The following SPRED2 variants were observed in gnomAD, a reference collection of about 807,000 sequenced individuals.
SPRED2 encodes the protein sprouty related EVH1 domain containing 2.
A neutral mutation model predicts 43.0 loss-of-function variants in SPRED2; 47 were observed. That is an observed-to-expected ratio of 1.09 (90% CI 0.87 to 1.40). The LOEUF is 1.40. SPRED2 is among the 40% of genes most tolerant of loss of function. The pLI is 0.00. For missense variants in SPRED2, 561 were observed against 586.4 expected, an observed-to-expected ratio of 0.96 and a Z score of 0.45; for synonymous variants, 225 against 225.7, an observed-to-expected ratio of 1.00 and a Z score of 0.03.
intron 4 of SPRED2, among the ~76,000 whole-genome samples, chr2:65,318,576 T>C (rs1673314960): frequency 6.6e-6 from 1 of 152,042 alleles, no homozygotes; most frequent in Admixed American, 6.6e-5. Context: ...CTCTAGATGC[T>C]CTCTTTCTTG....
intron 4 of SPRED2, among the ~76,000 whole-genome samples, chr2:65,328,056 T>C (rs1385400986): frequency 1.3e-5 from 2 of 152,162 alleles, no homozygotes; most frequent in Non-Finnish European, 2.9e-5. Flanking sequence ...TAAATCAGTT[T>C]CACTAAACTT....
chr2:65,388,321 G>A (rs1020237719), intron 1 of SPRED2, among the ~76,000 whole-genome samples: 10 of 152,170 alleles, frequency 6.6e-5, no homozygotes, highest in African/African-American at 1.2e-4. Flanking sequence ...ATTAGGGGCC[G>A]GGCCAAAGAC....
downstream of SPRED2, among the ~76,000 whole-genome samples, chr2:65,308,165 G>A (rs1302771428): frequency 1.3e-5 from 2 of 152,370 alleles, no homozygotes; most frequent in South Asian, 2.1e-4. Context: ...GGGCAGAGGC[G>A]TGACTTGCAG....
rs1207634108 is a variant in SPRED2, at chr2:65,334,872, C to T, written c.205-99G>A. Reference sequence around the variant, plus strand: ...AGGAACCATCACTGGTGGCAACTACCAAAACCCCTCTAACCCCTGCCTTCA... The same window carrying T: ...AGGAACCATCACTGGTGGCAACTACTAAAACCCCTCTAACCCCTGCCTTCA... On this transcript the variant is annotated intron_variant, in intron 2 of 5. Coordinates refer to ENST00000356388, the MANE Select transcript of SPRED2 (RefSeq NM_181784.3). 3 of 1,222,116 alleles carry T rather than the reference C, an allele frequency of 2.5e-6. No homozygotes were observed. In the East Asian group the frequency reaches 7.0e-5, roughly 28 times the overall value. The allele number at this position is 1,222,116 out of a possible 1,614,324, so 75.7% of individuals were successfully genotyped here.
At chr2:65,402,206 G>A (rs1408662159) in intron 1 of SPRED2, among the ~76,000 whole-genome samples, 1 of 148,420 alleles carries the variant, frequency 6.7e-6, no homozygotes, top group Non-Finnish European at 1.5e-5. Context: ...TTGAGCCCGG[G>A]AGGCGAAGGT....
At chr2:65,371,772 G>GA (rs74313386) in intron 1 of SPRED2, among the ~76,000 whole-genome samples, 48,337 of 149,886 alleles carry the variant, frequency 0.32, 9,546 homozygotes, top group East Asian at 0.78. Context: ...CAAGTAGATT[G>GA]AAAAAAAAAA....
intron 1 of SPRED2, among the ~76,000 whole-genome samples, chr2:65,354,463 C>CT (rs1298373746): frequency 6.6e-6 from 1 of 151,904 alleles, no homozygotes; most frequent in East Asian, 1.9e-4. Context: ...AATTTCACCT[C>CT]TAAGTGTTTA....
In SPRED2 at chr2:65,377,820, C is replaced by G. The variant is rs531341616; in HGVS notation, c.27-32924G>C. Reference sequence around the variant, plus strand: ...CCAAAGAGGAGCCCGGGGGCAGTCCCAGCACTTCTCAGACACAGCCTCCAG... The same window carrying G: ...CCAAAGAGGAGCCCGGGGGCAGTCCGAGCACTTCTCAGACACAGCCTCCAG... On this transcript the variant is annotated intron_variant, in intron 1 of 5. Coordinates refer to ENST00000356388, the MANE Select transcript of SPRED2 (RefSeq NM_181784.3). 8.5e-5 allele frequency: 35 copies of G among 413,976 alleles called. 1 individual carries two copies. The East Asian group carries it at 2.5e-3, about 29-fold the overall frequency. The allele number at this position is 413,976 out of a possible 1,614,324, so 25.6% of individuals were successfully genotyped here.
rs189945194 is a variant in SPRED2, at chr2:65,425,077, G to T, written c.26+6885C>A. 6.6e-5 allele frequency among the ~76,000 whole-genome samples: 10 copies of T among 152,224 alleles called. No individual in the cohort carries two copies. In the East Asian group the frequency reaches 1.9e-3, roughly 29 times the overall value. On this transcript the variant is annotated intron_variant, in intron 1 of 5. Coordinates refer to ENST00000356388, the MANE Select transcript of SPRED2 (RefSeq NM_181784.3). ...AGCCAAAGCAAAGCAGTAAGAAAAAGAAACAAGAGGAATAAATAATGAAAA... is the reference window on the plus strand; with the variant it reads ...AGCCAAAGCAAAGCAGTAAGAAAAATAAACAAGAGGAATAAATAATGAAAA...
chr2:65,407,401 T>TTTG (rs1484496136), intron 1 of SPRED2, among the ~76,000 whole-genome samples: 2 of 149,510 alleles, frequency 1.3e-5, no homozygotes, highest in Admixed American at 6.6e-5. Flanking sequence ...TGGGGGGCAT[T>TTTG]TTGGGGGGCA....
intron 2 of SPRED2, among the ~76,000 whole-genome samples, chr2:65,339,086 G>A (rs1339686101): frequency 9.6e-6 from 1 of 104,282 alleles, no homozygotes; most frequent in East Asian, 2.6e-4. Context: ...CGCTCCGTCC[G>A]GGAGGGAGGT....
intron 5 of SPRED2, among the ~76,000 whole-genome samples, chr2:65,315,316 T>A (rs1019318520): frequency 6.6e-6 from 1 of 152,206 alleles, no homozygotes; most frequent in Non-Finnish European, 1.5e-5. Context: ...GTTTTGAGAA[T>A]GAAGAGAAAC....
At chr2:65,354,973 C>G (rs948267440) in intron 1 of SPRED2, among the ~76,000 whole-genome samples, 1 of 152,138 alleles carries the variant, frequency 6.6e-6, no homozygotes, top group Non-Finnish European at 1.5e-5. Flanking sequence ...GCACCTGGCC[C>G]AGGAGAAGGA....
chr2:65,312,099 TAAG>T lies in SPRED2; in HGVS notation c.*1399_*1401del, dbSNP rs1449616743. 6.1e-6 allele frequency: 6 copies of T among 985,336 alleles called. No homozygotes were observed. Among genetic ancestry groups the T allele is most frequent in the East Asian group, 1.1e-4 (1 of 8,830 alleles). The allele number at this position is 985,336 out of a possible 1,614,324, so 61.0% of individuals were successfully genotyped here. On this transcript the variant is annotated 3_prime_UTR_variant, in exon 6 of 6. Coordinates refer to ENST00000356388, the MANE Select transcript of SPRED2 (RefSeq NM_181784.3). ...CTCTTCACTTTTCTTCTTTCTTCAATAAGAAGATTTGGCTAATCCTTGCAACGT... is the reference window on the plus strand; with the variant it reads ...CTCTTCACTTTTCTTCTTTCTTCAATAAGATTTGGCTAATCCTTGCAACGT...
rs1275274875 is a variant in SPRED2 at position 65,401,951 on chromosome 2, A to G, written c.26+30011T>C. Among the ~76,000 whole-genome samples the G allele has an allele frequency of 2.0e-3, 305 of 150,178 alleles. 5 individuals carry two copies. Among genetic ancestry groups the G allele is most frequent in the Admixed American group, 5.1e-3 (77 of 15,172 alleles). ...AGCGCGCGCGCGCACACACACACACACACACACACACACACACACACACCT... is the reference window on the plus strand; with the variant it reads ...AGCGCGCGCGCGCACACACACACACGCACACACACACACACACACACACCT... On this transcript the variant is annotated intron_variant, in intron 1 of 5. Transcript: ENST00000356388.
At chr2:65,318,599 A>T (rs1673315614) in intron 4 of SPRED2, among the ~76,000 whole-genome samples, 1 of 152,022 alleles carries the variant, frequency 6.6e-6, no homozygotes, top group African/African-American at 2.4e-5. Context: ...AATCTACAGG[A>T]ACTTTCCTTT....
rs186138402 is a variant in SPRED2, at chr2:65,431,503, G to C, written c.26+459C>G. Among the ~76,000 whole-genome samples, 3 of 152,306 alleles carry C rather than the reference G, an allele frequency of 2.0e-5. No homozygotes were observed. The East Asian group carries it at 5.8e-4, about 30-fold the overall frequency. ...GCAAATGAGAGCGATTCAAGAAAAC[G>C]AAATGGCGGAGCCTAGGCCCCAGTG... On this transcript the variant is annotated intron_variant, in intron 1 of 5. Coordinates refer to ENST00000356388, the MANE Select transcript of SPRED2 (RefSeq NM_181784.3).
At chr2:65,394,142 A>G (rs1249063752) in intron 1 of SPRED2, among the ~76,000 whole-genome samples, 1 of 152,196 alleles carries the variant, frequency 6.6e-6, no homozygotes. Flanking sequence ...TCTCCCTCAT[A>G]TGTAAATTTT....
downstream of SPRED2, among the ~76,000 whole-genome samples, chr2:65,309,805 C>T (rs1001667952): frequency 5.9e-5 from 9 of 152,128 alleles, no homozygotes; most frequent in Admixed American, 1.3e-4. Context: ...AGCCTGAGGG[C>T]GCCCCAGAGA....
Sources: gnomAD v4.1 joint callset for allele counts (sites outside exome capture counted in the v4.1 genomes callset) on GRCh38, gnomAD v4.1.1 for gene constraint, MANE v1.5 for transcripts, NCBI Gene and HGNC (gene_info 2026-07-23, HGNC 2026-07-21) for gene names.